The following OTUD7A variants were observed in gnomAD, a reference collection of about 807,000 sequenced individuals.
The protein encoded by OTUD7A is OTU domain-containing protein 7A.
OTUD7A carries 12 observed loss-of-function variants against 65.7 expected under a neutral mutation model. The observed-to-expected ratio is 0.18, with a 90% CI of 0.12 to 0.30. OTUD7A has a LOEUF of 0.30. Among genes scored for constraint, OTUD7A ranks in the 10% least tolerant of loss-of-function variants. The pLI, the probability that OTUD7A is intolerant of heterozygous loss-of-function variation, is 1.00. For synonymous variants in OTUD7A, 641 were observed against 586.3 expected, an observed-to-expected ratio of 1.09 and a Z score of -1.35; for missense variants, 1,148 against 1,304.8, an observed-to-expected ratio of 0.88 and a Z score of 1.85.
At chr15:31,747,651 A>G (rs1894516158) in intron 1 of OTUD7A, among the ~76,000 whole-genome samples, 1 of 152,230 alleles carries the variant, frequency 6.6e-6, no homozygotes, top group South Asian at 2.1e-4. Flanking sequence ...GAAGAATGCC[A>G]GTGTAGGAGG....
chr15:31,777,023 C>T (rs1004586812), intron 1 of OTUD7A, among the ~76,000 whole-genome samples: 1 of 152,126 alleles, frequency 6.6e-6, no homozygotes, highest in Non-Finnish European at 1.5e-5. Context: ...CCACCTGCCC[C>T]CTAGCTCAGT....
intron 3 of OTUD7A, among the ~76,000 whole-genome samples, chr15:31,584,881 A>G (rs11857718): frequency 0.34 from 52,360 of 152,068 alleles, 12,292 homozygotes; most frequent in African/African-American, 0.67. Flanking sequence ...TAGAAATCCT[A>G]TGTGCCCTCT....
chr15:31,595,578 T>C (rs8023885), intron 3 of OTUD7A, among the ~76,000 whole-genome samples: 17,160 of 152,270 alleles, frequency 0.11, 1,304 homozygotes, highest in Middle Eastern at 0.24. Flanking sequence ...AGCCAATCCC[T>C]CTGGCATCAT....
chr15:31,733,662 T>C (rs1894109373), intron 1 of OTUD7A, among the ~76,000 whole-genome samples: 1 of 152,170 alleles, frequency 6.6e-6, no homozygotes, highest in African/African-American at 2.4e-5. Flanking sequence ...CACAGGGCCA[T>C]AATACCCGAC....
intron 1 of OTUD7A, among the ~76,000 whole-genome samples, chr15:31,779,976 C>G (rs1006392342): frequency 6.6e-6 from 1 of 152,134 alleles, no homozygotes; most frequent in African/African-American, 2.4e-5. Context: ...GAAGCCTTCA[C>G]AACCCAGTCC....
At chr15:31,507,631 G>A (rs2041599902) in intron 8 of OTUD7A, among the ~76,000 whole-genome samples, 1 of 65,056 alleles carries the variant, frequency 1.5e-5, no homozygotes, top group African/African-American at 9.4e-5. Context: ...TGCCGCTGCT[G>A]GCTGGGGGGC....
At chr15:31,505,099 T>C (rs1237942928) in intron 8 of OTUD7A, among the ~76,000 whole-genome samples, 1 of 152,196 alleles carries the variant, frequency 6.6e-6, no homozygotes, top group Non-Finnish European at 1.5e-5. Context: ...TATGAGAGTA[T>C]ATTGAATAAA....
intron 5 of OTUD7A, among the ~76,000 whole-genome samples, chr15:31,551,758 C>A (rs988484446): frequency 2.6e-5 from 4 of 152,234 alleles, no homozygotes; most frequent in African/African-American, 4.8e-5. Context: ...TGCTCCCTCC[C>A]CACCTGGGCC....
chr15:31,576,403 T>C (rs1338292102), intron 3 of OTUD7A, among the ~76,000 whole-genome samples: 1 of 152,208 alleles, frequency 6.6e-6, no homozygotes, highest in African/African-American at 2.4e-5. Flanking sequence ...TGATTATTCC[T>C]CTACCTGCCT....
At chr15:31,789,129 T>C (rs1895749177) in intron 1 of OTUD7A, among the ~76,000 whole-genome samples, 1 of 152,160 alleles carries the variant, frequency 6.6e-6, no homozygotes, top group Non-Finnish European at 1.5e-5. Context: ...GATATACCAT[T>C]GTAAGTGCTA....
intron 1 of OTUD7A, among the ~76,000 whole-genome samples, chr15:31,660,426 G>A (rs137883436): frequency 1.2e-3 from 178 of 152,350 alleles, no homozygotes; most frequent in African/African-American, 3.5e-3. Context: ...GCATCTTCAC[G>A]GTTTAGATGA....
At chr15:31,664,517 T>C (rs1158368766) in intron 1 of OTUD7A, among the ~76,000 whole-genome samples, 1 of 137,750 alleles carries the variant, frequency 7.3e-6, no homozygotes, top group East Asian at 2.0e-4. Flanking sequence ...GGGATTTTTT[T>C]TTCTTACTGA....
At position 31,527,398 on chromosome 15, in the gene OTUD7A, G is replaced by A. The variant is rs900092239; in HGVS notation, c.653-90C>T. On this transcript the variant is annotated intron_variant, in intron 6 of 12. Coordinates refer to ENST00000307050, the MANE Select transcript of OTUD7A (RefSeq NM_001382637.1). Reference sequence around the variant, plus strand: ...GATGCAAACTACCACGACCCACTGGGAGAGCCTCCTGTCTGCACGCAGAAC... The same window carrying A: ...GATGCAAACTACCACGACCCACTGGAAGAGCCTCCTGTCTGCACGCAGAAC... The A allele has an allele frequency of 1.3e-5, 19 of 1,496,224 alleles. No individual in the cohort carries two copies. In the Admixed American group the frequency reaches 1.4e-4, roughly 11 times the overall value. The allele number at this position is 1,496,224 out of a possible 1,614,324, so 92.7% of individuals were successfully genotyped here.
chr15:31,634,840 A>C (rs1309410073), intron 3 of OTUD7A, among the ~76,000 whole-genome samples: 1 of 152,186 alleles, frequency 6.6e-6, no homozygotes, highest in African/African-American at 2.4e-5. Context: ...TCGGGCTCTG[A>C]CTGAAACCTT....
At chr15:31,800,201 C>T (rs1018426421) in intron 1 of OTUD7A, among the ~76,000 whole-genome samples, 1 of 152,132 alleles carries the variant, frequency 6.6e-6, no homozygotes, top group Admixed American at 6.5e-5. Flanking sequence ...CTCCCATGAA[C>T]GTCAGCTCAC....
At chr15:31,562,093 G>A (rs188502740) in intron 4 of OTUD7A, among the ~76,000 whole-genome samples, 52 of 152,212 alleles carry the variant, frequency 3.4e-4, no homozygotes, top group South Asian at 1.7e-3. Context: ...TGGGCTCAGC[G>A]AGGATTACAG....
intron 1 of OTUD7A, among the ~76,000 whole-genome samples, chr15:31,736,264 G>C (rs541024276): frequency 1.4e-3 from 218 of 152,290 alleles, no homozygotes; most frequent in Non-Finnish European, 6.2e-4. Flanking sequence ...GTTTACACTT[G>C]TAGTTGCACT....
chr15:31,698,126 T>C lies in OTUD7A; in HGVS notation c.-99-41049A>G, dbSNP rs559302899. Among the ~76,000 whole-genome samples the C allele has an allele frequency of 3.5e-3, 538 of 152,390 alleles. 1 individual carries two copies. Among genetic ancestry groups the C allele is most frequent in the Middle Eastern group, 6.8e-3 (2 of 294 alleles). On this transcript the variant is annotated intron_variant, in intron 1 of 12. Transcript: ENST00000307050. ...TTCAAAATCGTTAAAATTATGCTAG[T>C]GACAATTCCATCTTTTATTAAATAT...
chr15:31,832,867 C>T (rs908262258), intron 1 of OTUD7A, among the ~76,000 whole-genome samples: 3 of 152,194 alleles, frequency 2.0e-5, no homozygotes, highest in Non-Finnish European at 4.4e-5. Flanking sequence ...ACTTGGGTTG[C>T]TCCCACCTTT....
Sources: allele counts gnomAD v4.1 joint callset (sites outside exome capture counted in the v4.1 genomes callset), GRCh38; gene constraint gnomAD v4.1.1; transcripts MANE v1.5; gene names NCBI Gene and HGNC (gene_info 2026-07-23, HGNC 2026-07-21).